COL24A1: variants seen among roughly 807,000 people sequenced by gnomAD.
COL24A1 encodes the protein collagen type XXIV alpha 1 chain, also known as collagen alpha-1(XXIV) chain.
Under a neutral mutation model 253.9 loss-of-function variants are expected in COL24A1, and 224 were observed. That is an observed-to-expected ratio of 0.88 (90% CI 0.79 to 0.99). The LOEUF (loss-of-function observed/expected upper bound fraction) is 0.99, where lower values mean the gene tolerates loss of function less well. COL24A1 is among the 50% of genes least tolerant of loss of function. The probability of loss-of-function intolerance (pLI) is 0.00; values close to 1 mark genes in which losing one functional copy is unlikely to be tolerated. For synonymous variants in COL24A1, 685 were observed against 673.7 expected, an observed-to-expected ratio of 1.02 and a Z score of -0.26; for missense variants, 2,131 against 2,068.5, an observed-to-expected ratio of 1.03 and a Z score of -0.59.
At chr1:85,980,536 C>T (rs114145051) in intron 20 of COL24A1, among the ~76,000 whole-genome samples, 2,222 of 152,210 alleles carry the variant, frequency 0.015, 44 homozygotes, top group African/African-American at 0.051. Context: ...ACACCAACAA[C>T]GAGCAAGCTG....
At chr1:85,846,071 AC>A (rs945776286) in intron 39 of COL24A1, among the ~76,000 whole-genome samples, 2 of 151,926 alleles carry the variant, frequency 1.3e-5, no homozygotes, top group Non-Finnish European at 2.9e-5. Context: ...TAGAAGAAAA[AC>A]AGACTAATGA....
intron 58 of COL24A1, among the ~76,000 whole-genome samples, chr1:85,737,143 G>A (rs1054970699): frequency 1.3e-5 from 2 of 151,810 alleles, no homozygotes; most frequent in Admixed American, 1.3e-4. Context: ...AATTTTAAAA[G>A]GAATTTAAAA....
chr1:85,817,731 T>C (rs1337030866), intron 46 of COL24A1, among the ~76,000 whole-genome samples: 2 of 152,224 alleles, frequency 1.3e-5, no homozygotes, highest in African/African-American at 4.8e-5. Context: ...ATTCATTTTG[T>C]TACGATTCTA....
intron 1 of COL24A1, among the ~76,000 whole-genome samples, chr1:86,152,403 A>C (rs1369310293): frequency 6.6e-6 from 1 of 152,220 alleles, no homozygotes; most frequent in Non-Finnish European, 1.5e-5. Flanking sequence ...AAAATATTAT[A>C]TAAAATTAAC....
chr1:85,868,733 G>T (rs1373443344), intron 36 of COL24A1, 49 bp downstream of exon 36: 6 of 1,421,058 alleles, frequency 4.2e-6, no homozygotes, highest in Non-Finnish European at 5.8e-6. Flanking sequence ...ATATTTTAAA[G>T]ATTTTACAAA....
chr1:85,765,698 A>G (rs935931164), intron 53 of COL24A1, among the ~76,000 whole-genome samples: 1 of 152,106 alleles, frequency 6.6e-6, no homozygotes, highest in African/African-American at 2.4e-5. Flanking sequence ...CTATGGCTGC[A>G]CCACTGCATG....
chr1:85,818,227 T>A, intron 45 of COL24A1, 140 bp from the exon 46 acceptor site: 1 of 604,380 alleles, frequency 1.7e-6, no homozygotes, highest in South Asian at 2.4e-5. Context: ...GCCATTTAAT[T>A]TTCCTGGGAG....
intron 2 of COL24A1, among the ~76,000 whole-genome samples, chr1:86,143,904 A>G (rs1364529674): frequency 1.3e-5 from 2 of 152,152 alleles, no homozygotes; most frequent in African/African-American, 2.4e-5. Flanking sequence ...ATTCAGCAGT[A>G]TTAATATAAA....
intron 32 of COL24A1, among the ~76,000 whole-genome samples, chr1:85,879,420 G>A (rs1681572232): frequency 6.6e-6 from 1 of 152,086 alleles, no homozygotes; most frequent in African/African-American, 2.4e-5. Context: ...ACTATATGTT[G>A]TGTATATTGT....
chr1:86,020,061 C>CT (rs10582249), intron 18 of COL24A1, among the ~76,000 whole-genome samples: 33,951 of 98,450 alleles, frequency 0.34, 6,543 homozygotes, highest in East Asian at 0.49. Flanking sequence ...TTCATTCTTT[C>CT]TTTTTTTTTT....
chr1:85,873,945 C>G (rs1306516460), intron 35 of COL24A1, among the ~76,000 whole-genome samples: 3 of 152,024 alleles, frequency 2.0e-5, no homozygotes, highest in African/African-American at 7.2e-5. Flanking sequence ...TCTCTTGATA[C>G]TAAAATTATT....
At chr1:86,024,765 A>T (rs535849520) in intron 14 of COL24A1, among the ~76,000 whole-genome samples, 1 of 152,160 alleles carries the variant, frequency 6.6e-6, no homozygotes, top group Non-Finnish European at 1.5e-5. Context: ...AAAATACAAA[A>T]ATATCTCTGT....
chr1:85,824,811 G>A (rs959646011), intron 43 of COL24A1, among the ~76,000 whole-genome samples: 1 of 151,830 alleles, frequency 6.6e-6, no homozygotes, highest in Non-Finnish European at 1.5e-5. Flanking sequence ...ATTTTCATAC[G>A]TTACAGAAAG....
chr1:86,115,515 C>G, intron 3 of COL24A1, 137 bp from the exon 4 acceptor site: 1 of 754,148 alleles, frequency 1.3e-6, no homozygotes, highest in Non-Finnish European at 2.2e-6. Flanking sequence ...TTAAGTAACA[C>G]GAACCCCCTT....
chr1:85,883,842 C>T (rs964048060), intron 32 of COL24A1: 2 of 152,104 alleles, frequency 1.3e-5, no homozygotes, highest in Non-Finnish European at 2.9e-5. Context: ...ATGAGTAGTG[C>T]CAATACTTTA....
chr1:85,791,505 C>T (rs1477046176), intron 47 of COL24A1, among the ~76,000 whole-genome samples: 2 of 152,034 alleles, frequency 1.3e-5, no homozygotes, highest in East Asian at 3.9e-4. Flanking sequence ...TATCTTAGAC[C>T]TAGATGCAAT....
At chr1:85,736,788 A>G (rs1447776657) in intron 58 of COL24A1, among the ~76,000 whole-genome samples, 1 of 152,224 alleles carries the variant, frequency 6.6e-6, no homozygotes, top group East Asian at 1.9e-4. Flanking sequence ...TTTGGTTTCA[A>G]TATATGTTAT....
intron 7 of COL24A1, among the ~76,000 whole-genome samples, chr1:86,064,412 C>T (rs1311675114): frequency 6.6e-6 from 1 of 151,962 alleles, no homozygotes; most frequent in Non-Finnish European, 1.5e-5. Context: ...ATCCTTCTTC[C>T]TCAAGAAAGA....
At chr1:85,872,006 G>C (rs1222620648) in intron 35 of COL24A1, among the ~76,000 whole-genome samples, 2 of 152,264 alleles carry the variant, frequency 1.3e-5, no homozygotes, top group East Asian at 3.9e-4. Context: ...AAAGTATCAG[G>C]ATACAAAATC....
Sources: allele counts gnomAD v4.1 joint callset (sites outside exome capture counted in the v4.1 genomes callset), GRCh38; gene constraint gnomAD v4.1.1; transcripts MANE v1.5; gene names NCBI Gene and HGNC (gene_info 2026-07-23, HGNC 2026-07-21).